CSMD1: variants seen among roughly 807,000 people sequenced by gnomAD.
CSMD1 encodes the protein CUB and sushi domain-containing protein 1.
In CSMD1, 213 loss-of-function variants were observed where a neutral mutation model predicts 417.5. The ratio of observed to expected loss-of-function variants is 0.51; its 90% confidence interval spans 0.46 to 0.57. The LOEUF is 0.57. CSMD1 is among the 20% of genes least tolerant of loss of function. The pLI is 0.00. For synonymous variants in CSMD1, 2,862 were observed against 1,736.8 expected, an observed-to-expected ratio of 1.65 and a Z score of -16.11; for missense variants, 6,923 against 4,529.7, an observed-to-expected ratio of 1.53 and a Z score of -15.17.
intron 49 of CSMD1, among the ~76,000 whole-genome samples, chr8:3,073,691 A>C (rs1813459314): frequency 6.6e-6 from 1 of 152,202 alleles, no homozygotes; most frequent in Admixed American, 6.5e-5. Flanking sequence ...CAAGTGGCTA[A>C]TAAATTATTG....
chr8:3,891,354 C>A (rs138320025), intron 5 of CSMD1, among the ~76,000 whole-genome samples: 1,913 of 152,194 alleles, frequency 0.013, 45 homozygotes, highest in African/African-American at 0.043. Flanking sequence ...CTATCCTGAG[C>A]AGGTTCTTGA....
intron 23 of CSMD1, among the ~76,000 whole-genome samples, chr8:3,310,980 C>A (rs926180466): frequency 6.6e-6 from 1 of 152,112 alleles, no homozygotes; most frequent in Non-Finnish European, 1.5e-5. Context: ...AAAGCCTGGA[C>A]TAAGAAGTGG....
At chr8:3,259,508 G>C (rs1800899099) in intron 26 of CSMD1, among the ~76,000 whole-genome samples, 1 of 152,164 alleles carries the variant, frequency 6.6e-6, no homozygotes, top group South Asian at 2.1e-4. Context: ...TCTGATATTA[G>C]CTTTTCTTTG....
At chr8:4,610,859 T>C (rs140760773) in intron 2 of CSMD1, among the ~76,000 whole-genome samples, 18 of 152,336 alleles carry the variant, frequency 1.2e-4, no homozygotes, top group African/African-American at 4.3e-4. Flanking sequence ...GAAAACCTTA[T>C]ACGATTTCGT....
In CSMD1 at chr8:4,460,248, G is replaced by A. The variant is rs145995851; in HGVS notation, c.303-40183C>T. ...AAAAAATTTCTAAAAACCCAAAGGA[G>A]TTAAAGAAATCACTAGGGAAATTTA... On this transcript the variant is annotated intron_variant, in intron 2 of 69. Coordinates refer to ENST00000635120, the MANE Select transcript of CSMD1 (RefSeq NM_033225.6). Among the ~76,000 whole-genome samples, 555 of 152,120 alleles carry A rather than the reference G, an allele frequency of 3.6e-3. 1 individual carries two copies. The highest frequency in any genetic ancestry group is 0.013 in the African/African-American group (523 of 41,514).
At chr8:4,991,739 G>A (rs917119352) in intron 1 of CSMD1, among the ~76,000 whole-genome samples, 2 of 152,188 alleles carry the variant, frequency 1.3e-5, no homozygotes, top group African/African-American at 2.4e-5. Flanking sequence ...TAGGCAAGGG[G>A]AACGCGACGC....
intron 3 of CSMD1, among the ~76,000 whole-genome samples, chr8:4,398,104 T>C (rs1316234071): frequency 6.6e-6 from 1 of 152,184 alleles, no homozygotes; most frequent in African/African-American, 2.4e-5. Flanking sequence ...TATGCCATCT[T>C]TTATGTTGCT....
chr8:4,807,130 A>G (rs912404538), intron 1 of CSMD1, among the ~76,000 whole-genome samples: 1 of 152,240 alleles, frequency 6.6e-6, no homozygotes, highest in East Asian at 1.9e-4. Context: ...TGGGAAATAC[A>G]GAAGACTACT....
At chr8:3,290,653 T>C (rs1195930141) in intron 25 of CSMD1, among the ~76,000 whole-genome samples, 6 of 147,324 alleles carry the variant, frequency 4.1e-5, no homozygotes, top group Non-Finnish European at 7.4e-5. Context: ...TGAGAATAGT[T>C]GTGATTTTTG....
intron 2 of CSMD1, among the ~76,000 whole-genome samples, chr8:4,424,393 G>C (rs1353908535): frequency 4.6e-5 from 7 of 151,820 alleles, no homozygotes; most frequent in Admixed American, 3.9e-4. Flanking sequence ...AGAAAAGTCA[G>C]GTGACCTAAA....
intron 2 of CSMD1, among the ~76,000 whole-genome samples, chr8:4,486,180 C>CATATATAT (rs559383827): frequency 1.7e-4 from 3 of 17,612 alleles, no homozygotes; most frequent in East Asian, 4.2e-3. Context: ...TATATACATA[C>CATATATAT]ATATATATAT....
intron 5 of CSMD1, among the ~76,000 whole-genome samples, chr8:3,954,859 G>T (rs1054817536): frequency 6.6e-6 from 1 of 152,160 alleles, no homozygotes; most frequent in African/African-American, 2.4e-5. Context: ...CATGTGCATT[G>T]GAGTCTTTCT....
intron 3 of CSMD1, among the ~76,000 whole-genome samples, chr8:4,276,757 G>T (rs942869811): frequency 2.0e-5 from 3 of 152,154 alleles, no homozygotes; most frequent in African/African-American, 7.2e-5. Context: ...TGATGTTTCT[G>T]TGTAGAAGGA....
chr8:3,089,734 C>G (rs1340393467), intron 48 of CSMD1, among the ~76,000 whole-genome samples: 1 of 135,456 alleles, frequency 7.4e-6, no homozygotes, highest in Non-Finnish European at 1.6e-5. Flanking sequence ...TGACACGTGT[C>G]TATCTATCTG....
In CSMD1 at chr8:4,452,760, T is replaced by C. The variant is rs184946951; in HGVS notation, c.303-32695A>G. On this transcript the variant is annotated intron_variant, in intron 2 of 69. Transcript: ENST00000635120. ...AGGTTATTCATCTTTCAACATATCATCCAATAACACAAATCCAATAAAGTT... is the reference window on the plus strand; with the variant it reads ...AGGTTATTCATCTTTCAACATATCACCCAATAACACAAATCCAATAAAGTT... Among the ~76,000 whole-genome samples the C allele has an allele frequency of 2.1e-3, 316 of 151,964 alleles. 2 individuals are homozygous for C. Among genetic ancestry groups the C allele is most frequent in the African/African-American group, 7.3e-3 (302 of 41,414 alleles).
chr8:4,664,144 G>A (rs1041461900), intron 1 of CSMD1, among the ~76,000 whole-genome samples: 9 of 152,142 alleles, frequency 5.9e-5, no homozygotes, highest in African/African-American at 1.9e-4. Context: ...TACACCAGCT[G>A]GTAAAGAGAG....
chr8:3,737,764 C>G (rs1796597816), intron 6 of CSMD1, among the ~76,000 whole-genome samples: 2 of 152,184 alleles, frequency 1.3e-5, no homozygotes, highest in African/African-American at 4.8e-5. Flanking sequence ...TTCATTTAAG[C>G]TCCCATGAAA....
chr8:4,436,751 C>G (rs1258637797), intron 2 of CSMD1, among the ~76,000 whole-genome samples: 3 of 152,116 alleles, frequency 2.0e-5, no homozygotes, highest in Non-Finnish European at 4.4e-5. Flanking sequence ...TTAGATCCCA[C>G]AAATAAGTGA....
At chr8:4,146,286 G>A (rs11782326) in intron 3 of CSMD1, among the ~76,000 whole-genome samples, 44,900 of 150,706 alleles carry the variant, frequency 0.3, 7,555 homozygotes, top group Middle Eastern at 0.44. Flanking sequence ...TAGTGCAGTC[G>A]GCACAGTGCC....
Sources: allele counts gnomAD v4.1 joint callset (sites outside exome capture counted in the v4.1 genomes callset), GRCh38; gene constraint gnomAD v4.1.1; transcripts MANE v1.5; gene names NCBI Gene and HGNC (gene_info 2026-07-23, HGNC 2026-07-21).